The following AAK1 variants were observed in gnomAD, a reference collection of about 807,000 sequenced individuals.
AAK1 encodes AP2-associated protein kinase 1.
A neutral mutation model predicts 116.0 loss-of-function variants in AAK1; 37 were observed. The observed-to-expected ratio is 0.32, with a 90% CI of 0.25 to 0.42. AAK1 has a LOEUF of 0.42. Ranked by LOEUF, AAK1 falls within the 10% of genes least tolerant of loss-of-function variation. The probability of loss-of-function intolerance (pLI) is 1.00; values close to 1 mark genes in which losing one functional copy is unlikely to be tolerated. For synonymous variants in AAK1, 458 were observed against 439.9 expected (o/e 1.04, Z -0.51); for missense variants, 919 against 1,170.6 (o/e 0.79, Z 3.14).
rs146514101 is a variant in AAK1, at chr2:69,461,634, G to A, written c.*14235C>T. The A allele has an allele frequency of 2.8e-4, 112 of 402,272 alleles. No individual in the cohort carries two copies. The highest frequency in any genetic ancestry group is 2.0e-3 in the African/African-American group (88 of 44,118). The allele number at this position is 402,272 out of a possible 1,614,324, so 24.9% of individuals were successfully genotyped here. On this transcript the variant is annotated 3_prime_UTR_variant, in exon 22 of 22. Transcript: ENST00000409085. ...TTTGAGGCGGAGTTTTGCTCTTCTC[G>A]CCCAGGCTGGAGTGCAATGACACAA...
chr2:69,521,021 A>G, intron 10 of AAK1, 33 bp from the exon 11 acceptor site: 1 of 1,612,168 alleles, frequency 6.2e-7, no homozygotes, highest in East Asian at 2.2e-5. Context: ...TTCATATTAA[A>G]GTATGGGAAA....
At chr2:69,619,000 C>T (rs757272877) in intron 2 of AAK1, among the ~76,000 whole-genome samples, 1 of 151,884 alleles carries the variant, frequency 6.6e-6, no homozygotes, top group Non-Finnish European at 1.5e-5. Context: ...CTTGTCTCCC[C>T]ATTCTGGCCC....
At chr2:69,535,852 G>C (rs1196897082) in intron 5 of AAK1, among the ~76,000 whole-genome samples, 1 of 152,182 alleles carries the variant, frequency 6.6e-6, no homozygotes, top group Non-Finnish European at 1.5e-5. Context: ...GGGGAGACAA[G>C]ACAATGTGGA....
In AAK1 at chr2:69,527,098, C is replaced by A. The variant is rs982339421; in HGVS notation, c.975+118G>T. Reference sequence around the variant, plus strand: ...CTTCACAGTTAGCTTTGCTTGACTACCCCCAGTAGATAAAGCAAGGGACAT... The same window carrying A: ...CTTCACAGTTAGCTTTGCTTGACTAACCCCAGTAGATAAAGCAAGGGACAT... On this transcript the variant is annotated intron_variant, in intron 9 of 21. Transcript: ENST00000409085. 20 of 704,432 alleles carry A rather than the reference C, an allele frequency of 2.8e-5. No individual in the cohort carries two copies. The African/African-American group carries it at 3.4e-4, about 12-fold the overall frequency. 43.6% of individuals were successfully genotyped at this position (704,432 alleles called of 1,614,324 possible). A position where few individuals can be genotyped will look rare whatever the true frequency, so the allele number is the denominator to read the frequency against.
chr2:69,527,420 C>G, intron 8 of AAK1, 101 bp from the exon 9 acceptor site: 1 of 810,322 alleles, frequency 1.2e-6, no homozygotes, highest in East Asian at 2.7e-5. Context: ...TGTTTTTAAA[C>G]TTTTATTTTT....
intron 2 of AAK1, among the ~76,000 whole-genome samples, chr2:69,570,825 A>T (rs1672064687): frequency 6.6e-6 from 1 of 152,210 alleles, no homozygotes; most frequent in South Asian, 2.1e-4. Context: ...GGCCAATCAT[A>T]ATCTGGAACC....
At chr2:69,629,811 A>G (rs540352640) in intron 2 of AAK1, among the ~76,000 whole-genome samples, 64 of 152,344 alleles carry the variant, frequency 4.2e-4, no homozygotes, top group African/African-American at 1.5e-3. Context: ...GCAATAACTA[A>G]TTATCTAACA....
rs1671008470 is a variant in AAK1 at position 69,548,223 on chromosome 2, A to G, written c.283-3679T>C. ...AAAATCACTGGACCGTATGCTTTAA[A>G]AGGGTAAATTTTATCTCAATTTGTA... On this transcript the variant is annotated intron_variant, in intron 3 of 21. Coordinates refer to ENST00000409085, the MANE Select transcript of AAK1 (RefSeq NM_014911.5). Among the ~76,000 whole-genome samples, 9 of 152,340 alleles carry G rather than the reference A, an allele frequency of 5.9e-5. No homozygotes were observed. The South Asian group carries it at 1.9e-3, about 32-fold the overall frequency.
rs34635707 is a variant in AAK1 at position 69,500,664 on chromosome 2, AATATATATAT to A, written c.2270-4594_2270-4585del. On this transcript the variant is annotated intron_variant, in intron 16 of 21. Transcript: ENST00000409085. ...GTAGCTGTGCCTTTAAGTCCCTTAA[AATATATATAT>A]ATATATATATATATATATATATATA... is the stretch of plus-strand genomic sequence containing the variant. 5.1e-3 allele frequency among the ~76,000 whole-genome samples: 309 copies of A among 60,838 alleles called. 3 individuals carry two copies. The South Asian group carries it at 0.055, about 11-fold the overall frequency. 39.9% of individuals were successfully genotyped at this position (60,838 alleles called of 152,430 possible). A position where few individuals can be genotyped will look rare whatever the true frequency, so the allele number is the denominator to read the frequency against.
At chr2:69,590,719 G>A (rs1672992643) in intron 2 of AAK1, among the ~76,000 whole-genome samples, 1 of 152,208 alleles carries the variant, frequency 6.6e-6, no homozygotes, top group African/African-American at 2.4e-5. Context: ...TCTACTAACT[G>A]GAAAAGCCTC....
chr2:69,506,932 A>G (rs1558918958), intron 15 of AAK1, among the ~76,000 whole-genome samples: 1 of 151,348 alleles, frequency 6.6e-6, no homozygotes, highest in Non-Finnish European at 1.5e-5. Flanking sequence ...TTCAGGCAGA[A>G]GTATATCTTC....
intron 17 of AAK1, among the ~76,000 whole-genome samples, chr2:69,495,611 T>C (rs1462237516): frequency 1.3e-5 from 2 of 152,188 alleles, no homozygotes; most frequent in Non-Finnish European, 2.9e-5. Flanking sequence ...ATCACCACTA[T>C]TCATATTTTG....
intron 2 of AAK1, among the ~76,000 whole-genome samples, chr2:69,588,084 G>A (rs2105161105): frequency 6.6e-6 from 1 of 152,178 alleles, no homozygotes; most frequent in East Asian, 1.9e-4. Context: ...CATTTCTAAG[G>A]AGCAAGACTT....
chr2:69,619,853 G>C (rs886997742), intron 2 of AAK1, among the ~76,000 whole-genome samples: 1 of 152,214 alleles, frequency 6.6e-6, no homozygotes, highest in Admixed American at 6.5e-5. Context: ...AGTATGGATA[G>C]AGAGCAATAA....
At chr2:69,621,416 T>C (rs1674622142) in intron 2 of AAK1, among the ~76,000 whole-genome samples, 1 of 150,770 alleles carries the variant, frequency 6.6e-6, no homozygotes, top group Non-Finnish European at 1.5e-5. Flanking sequence ...GCGACAGAGG[T>C]TGCAGTGAGC....
At position 69,507,449 on chromosome 2, in the gene AAK1, T is replaced by G; in HGVS notation, c.2136A>C (p.Leu712=). 6.2e-7 allele frequency: 1 copy of G among 1,612,998 alleles called. No individual in the cohort carries two copies. Among genetic ancestry groups the G allele is most frequent in the East Asian group, 2.2e-5 (1 of 44,854 alleles). The change falls in exon 15 of 22, where the codon CTA becomes CTC. Residue 712 remains leucine (L), a synonymous_variant. Coordinates refer to ENST00000409085, the MANE Select transcript of AAK1 (RefSeq NM_014911.5). The part of the protein sequence containing the change: ...NFSKLTAEEL[L]NKDFAKLGEG... ...CCCCAAGCTTGGCAAAGTCCTTGTTTAGCAGTTCTTCAGCTGTGAGTTTGG... is the reference window on the plus strand; with the variant it reads ...CCCCAAGCTTGGCAAAGTCCTTGTTGAGCAGTTCTTCAGCTGTGAGTTTGG...
intron 2 of AAK1, among the ~76,000 whole-genome samples, chr2:69,562,134 T>C (rs1671668791): frequency 6.6e-6 from 1 of 152,204 alleles, no homozygotes; most frequent in Non-Finnish European, 1.5e-5. Context: ...CTATTTCCCT[T>C]TATGTATAAG....
intron 15 of AAK1, among the ~76,000 whole-genome samples, chr2:69,507,067 A>C (rs1676213971): frequency 6.6e-6 from 1 of 152,182 alleles, no homozygotes; most frequent in African/African-American, 2.4e-5. Context: ...TGGGACAGTA[A>C]ACCAACCTAG....
Position 69,468,271 on chromosome 2 carries a change from TG to T in AAK1, c.*7597del. The stretch of plus-strand genomic sequence containing the variant: ...ATCCTAATTTCTCAGGCAAGTAAAT[TG>T]ATATTAGATTTGTCTCAGTGATACC... On this transcript the variant is annotated 3_prime_UTR_variant, in exon 22 of 22. Transcript: ENST00000409085. 3.0e-6 allele frequency: 3 copies of T among 985,332 alleles called. No homozygotes were observed. Among genetic ancestry groups the T allele is most frequent in the Non-Finnish European group, 3.6e-6 (3 of 829,838 alleles). The allele number at this position is 985,332 out of a possible 1,614,324, so 61.0% of individuals were successfully genotyped here.
Sources: gnomAD v4.1 joint callset for allele counts (sites outside exome capture counted in the v4.1 genomes callset) on GRCh38, gnomAD v4.1.1 for gene constraint, MANE v1.5 for transcripts, NCBI Gene and HGNC (gene_info 2026-07-23, HGNC 2026-07-21) for gene names.